The following POM121 variants were observed in gnomAD, a reference collection of about 807,000 sequenced individuals.
The protein encoded by POM121 is POM121 transmembrane nucleoporin, also known as nuclear envelope pore membrane protein POM 121.
In POM121, 32 loss-of-function variants were observed where a neutral mutation model predicts 81.3. The observed-to-expected ratio is 0.39, with a 90% CI of 0.30 to 0.53. POM121 has a LOEUF of 0.53. Among genes scored for constraint, POM121 ranks in the 20% least tolerant of loss-of-function variants. POM121 has a pLI of 0.66. For synonymous variants in POM121, 514 were observed against 694.2 expected (o/e 0.74, Z 4.08); for missense variants, 1,138 against 1,614.6 (o/e 0.70, Z 5.06).
chr7:72,879,587 C>T, exon 1 of POM121: 3 of 294,110 alleles, frequency 1.0e-5, no homozygotes, highest in Non-Finnish European at 2.0e-5. Context: ...CCAGAGGGGC[C>T]AGGCGGGAGG....
intron 3 of POM121, among the ~76,000 whole-genome samples, chr7:72,903,173 C>T (rs1405736167): frequency 5.3e-5 from 8 of 152,278 alleles, no homozygotes; most frequent in South Asian, 2.1e-4. Context: ...TAGTGCCTCA[C>T]GCCTGTAATC....
intron 5 of POM121, among the ~76,000 whole-genome samples, chr7:72,935,042 CAAA>C (rs1192083787): frequency 7.5e-6 from 1 of 132,998 alleles, no homozygotes; most frequent in Non-Finnish European, 1.6e-5. Context: ...TCAATTTCCA[CAAA>C]AAAAAAAAAA....
chr7:72,950,465 G>C (rs1476537146), downstream of POM121: 2 of 471,222 alleles, frequency 4.2e-6, no homozygotes, highest in Non-Finnish European at 7.6e-6. Flanking sequence ...GTAGGTGTGA[G>C]GATTCAATGA....
At chr7:72,906,723 A>G (rs532008531) in intron 3 of POM121, among the ~76,000 whole-genome samples, 85 of 151,864 alleles carry the variant, frequency 5.6e-4, no homozygotes, top group African/African-American at 2.0e-3. Flanking sequence ...CCTGGGCTTG[A>G]GTGGTTCTCT....
chr7:72,915,234 C>T (rs1280029085), intron 4 of POM121, among the ~76,000 whole-genome samples: 1 of 152,178 alleles, frequency 6.6e-6, no homozygotes, highest in Non-Finnish European at 1.5e-5. Context: ...CAGCAGCAAC[C>T]TGGATCTCAG....
At chr7:72,938,717 G>C in intron 6 of POM121, 36 bp downstream of exon 6, 1 of 1,602,714 alleles carries the variant, frequency 6.2e-7, no homozygotes, top group Admixed American at 1.7e-5. Flanking sequence ...CATTTGCTGC[G>C]TGGACAGGCG....
chr7:72,932,689 A>G (rs1796135150), intron 5 of POM121, among the ~76,000 whole-genome samples: 1 of 152,160 alleles, frequency 6.6e-6, no homozygotes, highest in African/African-American at 2.4e-5. Flanking sequence ...GAGAGGGACC[A>G]TTTCTCCATG....
At chr7:72,923,898 C>G (rs1212731432), upstream of POM121, among the ~76,000 whole-genome samples, 1 of 151,338 alleles carries the variant, frequency 6.6e-6, no homozygotes, top group African/African-American at 2.4e-5. Context: ...CCGCGCCTGG[C>G]CTTCTTATTT....
In POM121 at chr7:72,925,438, T is replaced by A. The variant is rs1344625107; in HGVS notation, c.317T>A (p.Phe106Tyr). 13 of 1,533,822 alleles carry A rather than the reference T, an allele frequency of 8.5e-6. No individual in the cohort carries two copies. The African/African-American group carries it at 1.4e-4, about 16-fold the overall frequency. ...VRKARHRRTLFASPLAKSTAN... is the reference protein window; with the variant it reads ...VRKARHRRTLYASPLAKSTAN... ...AAGGCGCGTCATCGGCGAACACTGT[T>A]CGCTTCGCCTCTGGCCAAGTCGACA... Residue 106 changes from phenylalanine to tyrosine, a missense_variant, in exon 1 of 13, where the codon TTC becomes TAC. Physicochemically the swap from Phe to Tyr is conservative, Grantham distance 22. Around this residue, in one of 7 missense-constraint regions of POM121, gnomAD observed 646 missense variants for 633.5 expected, o/e 1.02. Coordinates refer to ENST00000434423, the MANE Select transcript of POM121 (RefSeq NM_001387691.1).
intron 1 of POM121, among the ~76,000 whole-genome samples, chr7:72,890,250 C>A (rs199752532): frequency 1.3e-3 from 189 of 150,262 alleles, no homozygotes; most frequent in African/African-American, 1.9e-3. Flanking sequence ...GAGGAGGTCC[C>A]GGAGAAGGGG....
At position 72,943,251 on chromosome 7, in the gene POM121, C is replaced by G; in HGVS notation, c.3258C>G (p.Ser1086Arg). The G allele has an allele frequency of 6.2e-7, 1 of 1,611,484 alleles. No individual in the cohort carries two copies. The highest frequency in any genetic ancestry group is 2.2e-5 in the East Asian group (1 of 44,792). Reference sequence around the variant, plus strand: ...AGACCGCCAGCAGCGGGAGCAGCAGCTCGGTGTTTGGCAGCACAACACCAT... The same window carrying G: ...AGACCGCCAGCAGCGGGAGCAGCAGGTCGGTGTTTGGCAGCACAACACCAT... ...TTQTASSGSS[S>R]SVFGSTTPSP... Residue 1086 changes from serine (S) to arginine (R), a missense_variant, in exon 11 of 13, where the codon AGC becomes AGG. Physicochemically the swap from Ser to Arg is moderately radical, Grantham distance 110. Coordinates refer to ENST00000434423, the MANE Select transcript of POM121 (RefSeq NM_001387691.1).
At chr7:72,908,690 G>A (rs1313557249) in intron 3 of POM121, among the ~76,000 whole-genome samples, 1 of 152,110 alleles carries the variant, frequency 6.6e-6, no homozygotes, top group Non-Finnish European at 1.5e-5. Flanking sequence ...CCTCCCCCTA[G>A]GAACGCATTC....
intron 11 of POM121, among the ~76,000 whole-genome samples, chr7:72,945,014 A>T (rs1328023351): frequency 9.2e-5 from 4 of 43,530 alleles, no homozygotes; most frequent in Admixed American, 2.6e-4. Context: ...GAAGAGAAAC[A>T]GTGTGGAAGC....
In POM121 at chr7:72,893,173, T is replaced by A. The variant is rs1791477834; in HGVS notation, c.-216+2063T>A. 5.3e-5 allele frequency among the ~76,000 whole-genome samples: 8 copies of A among 151,990 alleles called. No homozygotes were observed. In the South Asian group the frequency reaches 1.7e-3, roughly 32 times the overall value. On this transcript the variant is annotated intron_variant, in intron 3 of 15. Coordinates refer to the POM121 transcript ENST00000395270. Reference sequence around the variant, plus strand: ...GGGTTTCAGTCTGTTGGCCAGGAGTTCTCTGTTGAACTCTTGGCCTTGTGA... The same window carrying A: ...GGGTTTCAGTCTGTTGGCCAGGAGTACTCTGTTGAACTCTTGGCCTTGTGA...
chr7:72,921,261 A>G (rs1221524261), upstream of POM121, among the ~76,000 whole-genome samples: 2 of 152,140 alleles, frequency 1.3e-5, no homozygotes, highest in African/African-American at 2.4e-5. Flanking sequence ...CCATAAATAA[A>G]TGTTCAACCA....
At chr7:72,926,192 T>G in intron 1 of POM121, 70 bp from the exon 2 acceptor site, 1 of 1,453,034 alleles carries the variant, frequency 6.9e-7, no homozygotes, top group Non-Finnish European at 9.3e-7. Flanking sequence ...AACTGGTGGG[T>G]TTTTAACCGT....
intron 4 of POM121, among the ~76,000 whole-genome samples, chr7:72,918,755 C>G (rs2129576939): frequency 1.3e-5 from 2 of 152,072 alleles, no homozygotes; most frequent in Admixed American, 1.3e-4. Flanking sequence ...TTGCTGTGTC[C>G]TCATGTGACC....
In POM121 at chr7:72,943,326, T is replaced by C. The variant is rs782106682; in HGVS notation, c.3333T>C (p.Phe1111=). 2.6e-5 allele frequency: 42 copies of C among 1,606,986 alleles called. No homozygotes were observed. The South Asian group carries it at 4.5e-4, about 17-fold the overall frequency. The change falls in exon 11 of 13, where the codon TTT becomes TTC. Residue 1111 remains phenylalanine, a synonymous_variant. Transcript: ENST00000434423. The stretch of plus-strand genomic sequence containing the variant: ...CAGCCCCCGCTGGCAGTGGGAGCTT[T>C]GGGATCAATGTGGCCACCCCAGGCT... ...GSAAPAGSGS[F]GINVATPGSS...
intron 4 of POM121, among the ~76,000 whole-genome samples, chr7:72,916,043 C>T (rs1794267476): frequency 6.6e-6 from 1 of 152,096 alleles, no homozygotes; most frequent in African/African-American, 2.4e-5. Context: ...GTTTCTGGAT[C>T]TACAAGAATC....
Sources: gnomAD v4.1 joint callset for allele counts (sites outside exome capture counted in the v4.1 genomes callset) on GRCh38, gnomAD v4.1.1 for gene constraint, gnomAD v4.1.1 regional missense constraint, MANE v1.5 for transcripts, NCBI Gene and HGNC (gene_info 2026-07-23, HGNC 2026-07-21) for gene names.